The following FHL1 variants were observed in gnomAD, a reference collection of about 807,000 sequenced individuals.
FHL1 encodes the protein four and a half LIM domains 1.
FHL1 carries 1 observed loss-of-function variant against 20.3 expected under a neutral mutation model. The observed-to-expected ratio is 0.05, with a 90% CI of 0.02 to 0.23. The LOEUF is 0.23. Among genes scored for constraint, FHL1 ranks in the 10% least tolerant of loss-of-function variants. The pLI, the probability that FHL1 is intolerant of heterozygous loss-of-function variation, is 1.00. For missense variants in FHL1, 177 were observed against 234.0 expected (o/e 0.76, Z 1.59); for synonymous variants, 82 against 88.9 (o/e 0.92, Z 0.44).
At chrX:136,166,058 T>G (rs2148289818), upstream of FHL1, among the ~76,000 whole-genome samples, 1 of 112,182 alleles carries the variant, frequency 8.9e-6, no homozygotes, top group South Asian at 3.7e-4. Context: ...ATTCTTTAAC[T>G]TGCACAATGT....
intron 1 of FHL1, among the ~76,000 whole-genome samples, chrX:136,151,468 TTGGGAG>T (rs1346447301): frequency 8.9e-6 from 1 of 112,250 alleles, no homozygotes; most frequent in Non-Finnish European, 1.9e-5. Context: ...TCCCAGTACT[TTGGGAG>T]GCTGAGGCAA....
intron 1 of FHL1, among the ~76,000 whole-genome samples, chrX:136,158,009 T>C (rs921807448): frequency 8.9e-6 from 1 of 112,219 alleles, no homozygotes; most frequent in Non-Finnish European, 1.9e-5. Context: ...TTCGTACTTA[T>C]TTGTAAAGTA....
In FHL1 at chrX:136,211,200, GAC is replaced by G. The variant is rs2074004649; in HGVS notation, c.*1177_*1178del. 2.8e-6 allele frequency: 1 copy of G among 362,208 alleles called. No individual in the cohort carries two copies. The highest frequency in any genetic ancestry group is 5.3e-6 in the Non-Finnish European group (1 of 190,359). The allele number at this position is 362,208 out of a possible 1,213,427, so 29.9% of individuals were successfully genotyped here. On this transcript the variant is annotated 3_prime_UTR_variant, in exon 6 of 6. Transcript: ENST00000370683. ...ATTATTATATGACATAGTATAATGA[GAC>G]AATATCAAAAGTAAACATGTAATGA...
chrX:136,170,508 T>C (rs993023766), intron 2 of FHL1, among the ~76,000 whole-genome samples: 14 of 111,433 alleles, frequency 1.3e-4, no homozygotes, highest in African/African-American at 4.6e-4. Context: ...TCTTCTGATT[T>C]GCCCTCAAGT....
At chrX:136,207,725 G>C in intron 3 of FHL1, 67 bp from the exon 4 acceptor site, 1 of 1,152,147 alleles carries the variant, frequency 8.7e-7, no homozygotes, top group East Asian at 3.0e-5. Context: ...CCTGGGGAGG[G>C]GAGCTGAGTG....
At chrX:136,149,955 T>C (rs992230908) in intron 1 of FHL1, among the ~76,000 whole-genome samples, 5 of 111,979 alleles carry the variant, frequency 4.5e-5, no homozygotes, top group Non-Finnish European at 9.4e-5. Context: ...TATAATAAAA[T>C]TTAAGCATAA....
chrX:136,210,927 G>A lies in FHL1; in HGVS notation c.*902G>A. On this transcript the variant is annotated 3_prime_UTR_variant, in exon 6 of 6. Coordinates refer to ENST00000370683, the MANE Select transcript of FHL1 (RefSeq NM_001159699.2). ...CAGTGCTGAAATTCATCCTACGGAA[G>A]TAACCGCAAAACTCTAGAGGGGGAG... The A allele has an allele frequency of 2.6e-6, 1 of 383,052 alleles. No homozygotes were observed. The highest frequency in any genetic ancestry group is 4.9e-6 in the Non-Finnish European group (1 of 202,880). The allele number at this position is 383,052 out of a possible 1,213,427, so 31.6% of individuals were successfully genotyped here.
intron 1 of FHL1, among the ~76,000 whole-genome samples, chrX:136,152,271 T>G (rs746499623): frequency 8.9e-6 from 1 of 112,290 alleles, no homozygotes; most frequent in East Asian, 2.8e-4. Flanking sequence ...TGGGAGATAT[T>G]TGTTAAGTAA....
chrX:136,197,240 C>A, intron 1 of FHL1, 106 bp downstream of exon 1: 1 of 735,683 alleles, frequency 1.4e-6, no homozygotes, highest in Middle Eastern at 3.1e-4. Context: ...TTAGTCTTGT[C>A]TGAATAGTAA....
chrX:136,189,146 T>A (rs2073376871), intron 2 of FHL1, among the ~76,000 whole-genome samples: 1 of 112,059 alleles, frequency 8.9e-6, no homozygotes, highest in Admixed American at 9.4e-5. Flanking sequence ...AGAAAAGGTC[T>A]AATTAGCCAC....
chrX:136,172,363 T>C (rs1282715692), intron 2 of FHL1, among the ~76,000 whole-genome samples: 1 of 112,677 alleles, frequency 8.9e-6, no homozygotes, highest in Admixed American at 9.4e-5. Flanking sequence ...GGGTTTGATA[T>C]TCTTCAAGGG....
chrX:136,208,059 G>A (rs911053375), intron 4 of FHL1, 98 bp downstream of exon 4: 36 of 990,679 alleles, frequency 3.6e-5, no homozygotes, highest in Non-Finnish European at 4.9e-5. Flanking sequence ...CCATCCTCAC[G>A]ACAGCCCTGT....
At chrX:136,148,985 T>G (rs1009740793) in intron 1 of FHL1, among the ~76,000 whole-genome samples, 2 of 112,444 alleles carry the variant, frequency 1.8e-5, no homozygotes, top group African/African-American at 3.2e-5. Flanking sequence ...CGAGCCCCCT[T>G]TGATTTGGGT....
intron 2 of FHL1, among the ~76,000 whole-genome samples, chrX:136,174,559 G>A (rs1205485810): frequency 9.0e-6 from 1 of 111,442 alleles, no homozygotes; most frequent in African/African-American, 3.3e-5. Flanking sequence ...AGGCAGTGAT[G>A]GTGCTAATGT....
intron 2 of FHL1, among the ~76,000 whole-genome samples, chrX:136,181,452 G>T (rs2073157218): frequency 8.9e-6 from 1 of 111,856 alleles, no homozygotes; most frequent in African/African-American, 3.3e-5. Context: ...TCTCTCTTCT[G>T]GCCCAAACTG....
At chrX:136,159,971 G>T (rs767080975) in intron 1 of FHL1, among the ~76,000 whole-genome samples, 44 of 112,621 alleles carry the variant, frequency 3.9e-4, no homozygotes, top group African/African-American at 1.3e-3. Flanking sequence ...ATGGCTTGTA[G>T]AAGCATAGGC....
At chrX:136,155,185 G>A (rs1325493978) in intron 1 of FHL1, among the ~76,000 whole-genome samples, 8 of 110,928 alleles carry the variant, frequency 7.2e-5, no homozygotes, top group East Asian at 5.7e-4. Flanking sequence ...CAGGCTCTCC[G>A]TGGATCCATA....
chrX:136,155,843 A>G (rs2072402382), intron 1 of FHL1, among the ~76,000 whole-genome samples: 1 of 109,178 alleles, frequency 9.2e-6, no homozygotes. Context: ...AATAATAAGT[A>G]TCTCCTGTCG....
Position 136,209,991 on chromosome X carries a change from A to C in FHL1, c.857A>C (p.Gln286Pro). 8.3e-7 allele frequency: 1 copy of C among 1,211,510 alleles called. No homozygotes were observed. Among genetic ancestry groups the C allele is most frequent in the Non-Finnish European group, 1.1e-6 (1 of 895,493 alleles). ...ANKRFVFHQEQVYCPDCAKKL is the reference protein window; with the variant it reads ...ANKRFVFHQEPVYCPDCAKKL ...AAGCGCTTTGTTTTCCACCAGGAGC[A>C]AGTGTATTGTCCCGACTGTGCCAAA... Residue 286 changes from glutamine (Q) to proline (P), a missense_variant, in exon 6 of 6, where the codon CAA (glutamine) becomes CCA (proline). Transcript: ENST00000370683.
Sources: gnomAD v4.1 joint callset for allele counts (sites outside exome capture counted in the v4.1 genomes callset) on GRCh38, gnomAD v4.1.1 for gene constraint, MANE v1.5 for transcripts, NCBI Gene and HGNC (gene_info 2026-07-23, HGNC 2026-07-21) for gene names.